Variants in FAAH2 observed in about 807,000 individuals in gnomAD.
FAAH2 encodes fatty acid amide hydrolase 2, also known as fatty-acid amide hydrolase 2.
In FAAH2, 60 loss-of-function variants were observed where a neutral mutation model predicts 36.9. That is an observed-to-expected ratio of 1.63 (90% CI 1.32 to 2.02). The LOEUF is 2.02. FAAH2 is among the 30% of genes most tolerant of loss of function. The probability of loss-of-function intolerance (pLI) is 0.00; values close to 1 mark genes in which losing one functional copy is unlikely to be tolerated. For synonymous variants in FAAH2, 214 were observed against 143.8 expected (o/e 1.49, Z -3.49); for missense variants, 689 against 397.5 (o/e 1.73, Z -6.23).
chrX:57,432,716 A>AT (rs2056329250), intron 8 of FAAH2, among the ~76,000 whole-genome samples: 1 of 111,465 alleles, frequency 9.0e-6, no homozygotes, highest in African/African-American at 3.2e-5. Flanking sequence ...ACTTTTGTGA[A>AT]TATAGGAATG....
At chrX:57,453,438 T>G (rs1437251263) in intron 10 of FAAH2, among the ~76,000 whole-genome samples, 1 of 112,117 alleles carries the variant, frequency 8.9e-6, no homozygotes. Context: ...TTCTGAACTC[T>G]GCCAGTGGAC....
chrX:57,123,725 G>C, the FAAH2 span, among the ~76,000 whole-genome samples: 1 of 112,208 alleles, frequency 8.9e-6, no homozygotes, highest in Admixed American at 9.4e-5. Flanking sequence ...TCTCATTGTG[G>C]TTTTGATTTG....
chrX:57,448,685 C>T lies in FAAH2; in HGVS notation c.1390C>T (p.Pro464Ser), dbSNP rs1424996470. 2 of 1,210,363 alleles carry T rather than the reference C, an allele frequency of 1.7e-6. No homozygotes were observed. The highest frequency in any genetic ancestry group is 2.2e-6 in the Non-Finnish European group (2 of 894,871). ...CACAGTGGCACCTAAGCATCATGTCCCTCTAACACGGCCTTTCAACTTTGC... is the reference window on the plus strand; with the variant it reads ...CACAGTGGCACCTAAGCATCATGTCTCTCTAACACGGCCTTTCAACTTTGC... ...HPTVAPKHHV[P>S]LTRPFNFAYT... is the part of the protein sequence containing the mutation. Residue 464 changes from proline to serine, a missense_variant, in exon 10 of 11, where the codon CCT becomes TCT. Pro to Ser is a moderately conservative substitution (Grantham distance 74). Coordinates refer to ENST00000374900, the MANE Select transcript of FAAH2 (RefSeq NM_174912.4).
At chrX:57,278,175 C>T in the FAAH2 span, among the ~76,000 whole-genome samples, 1 of 111,578 alleles carries the variant, frequency 9.0e-6, no homozygotes, top group Non-Finnish European at 1.9e-5. Context: ...TCAAACTATA[C>T]TACAAGGCTA....
chrX:57,167,767 A>G, the FAAH2 span, among the ~76,000 whole-genome samples: 2 of 111,463 alleles, frequency 1.8e-5, no homozygotes, highest in South Asian at 7.6e-4. Flanking sequence ...TAGCAGAAAA[A>G]AAATATATAC....
intron 7 of FAAH2, among the ~76,000 whole-genome samples, chrX:57,422,127 G>A (rs1003085001): frequency 9.0e-6 from 1 of 111,716 alleles, no homozygotes; most frequent in Admixed American, 9.5e-5. Context: ...AGATACCAGG[G>A]GATGTGTTAA....
At chrX:57,455,854 G>A (rs2056856337) in intron 10 of FAAH2, among the ~76,000 whole-genome samples, 2 of 111,572 alleles carry the variant, frequency 1.8e-5, no homozygotes, top group South Asian at 7.4e-4. Context: ...AAATAATAAC[G>A]GGGGATTTTA....
At chrX:57,137,351 C>A in the FAAH2 span, 1 of 757,638 alleles carries the variant, frequency 1.3e-6, no homozygotes, top group Admixed American at 7.9e-5. Flanking sequence ...AGGGTAGGAT[C>A]CATAGATGAG....
the FAAH2 span, among the ~76,000 whole-genome samples, chrX:57,160,020 C>A: frequency 8.9e-6 from 1 of 111,982 alleles, no homozygotes; most frequent in African/African-American, 3.3e-5. Context: ...CCATCAATAC[C>A]AAATTTATTG....
chrX:57,236,310 G>A, the FAAH2 span, among the ~76,000 whole-genome samples: 9 of 112,206 alleles, frequency 8.0e-5, no homozygotes, highest in Non-Finnish European at 1.1e-4. Context: ...ACACAGGAGT[G>A]CAGATATGTT....
intron 5 of FAAH2, among the ~76,000 whole-genome samples, chrX:57,352,383 T>A (rs1267578370): frequency 9.3e-6 from 1 of 107,301 alleles, no homozygotes; most frequent in African/African-American, 3.4e-5. Context: ...ATTTCAATTG[T>A]CAAAGAAAAA....
At chrX:57,444,501 G>A (rs779917632) in intron 8 of FAAH2, among the ~76,000 whole-genome samples, 2 of 111,485 alleles carry the variant, frequency 1.8e-5, no homozygotes, top group African/African-American at 3.3e-5. Context: ...TCCAGGTACC[G>A]TATGTCATGG....
chrX:57,301,982 G>T (rs1351411504), intron 2 of FAAH2, among the ~76,000 whole-genome samples: 1 of 112,168 alleles, frequency 8.9e-6, no homozygotes, highest in African/African-American at 3.2e-5. Flanking sequence ...CCTGGATTAT[G>T]ATTTATTGTT....
intron 2 of FAAH2, among the ~76,000 whole-genome samples, chrX:57,300,506 C>T (rs1264826777): frequency 8.9e-6 from 1 of 111,823 alleles, no homozygotes; most frequent in Non-Finnish European, 1.9e-5. Flanking sequence ...CATAAAAACC[C>T]TAGAAGAAAA....
intron 7 of FAAH2, among the ~76,000 whole-genome samples, chrX:57,385,047 G>A (rs968946176): frequency 2.7e-4 from 30 of 110,272 alleles, no homozygotes; most frequent in South Asian, 1.6e-3. Flanking sequence ...ACCAAATACC[G>A]CATGTTTTCA....
chrX:57,391,665 T>G (rs1295881477), intron 7 of FAAH2, among the ~76,000 whole-genome samples: 1 of 111,346 alleles, frequency 9.0e-6, no homozygotes, highest in East Asian at 2.8e-4. Context: ...CTTGATTCTC[T>G]ATTTGGTTCC....
chrX:57,315,555 C>T lies in FAAH2; in HGVS notation c.412+4826C>T, dbSNP rs146097059. ...ATCCAGCAACACAACAAAAAGTTAA[C>T]TCATTATGATCAAGTAGGGATTATT... On this transcript the variant is annotated intron_variant, in intron 3 of 10. Transcript: ENST00000374900. 4.2e-3 allele frequency among the ~76,000 whole-genome samples: 465 copies of T among 111,589 alleles called. 1 individual carries two copies. Among genetic ancestry groups the T allele is most frequent in the African/African-American group, 0.014 (427 of 30,831 alleles).
At chrX:57,320,967 G>A (rs991794088) in intron 3 of FAAH2, among the ~76,000 whole-genome samples, 1 of 110,323 alleles carries the variant, frequency 9.1e-6, no homozygotes, top group African/African-American at 3.3e-5. Flanking sequence ...TAAAACCCCC[G>A]TCTCTACTAA....
At chrX:57,381,396 T>C (rs1182346339) in intron 7 of FAAH2, among the ~76,000 whole-genome samples, 1 of 111,845 alleles carries the variant, frequency 8.9e-6, no homozygotes, top group Non-Finnish European at 1.9e-5. Flanking sequence ...TGAGCTTTAT[T>C]TTAAAATACT....
Sources: gnomAD v4.1 joint callset for allele counts (sites outside exome capture counted in the v4.1 genomes callset) on GRCh38, gnomAD v4.1.1 for gene constraint, MANE v1.5 for transcripts, NCBI Gene and HGNC (gene_info 2026-07-23, HGNC 2026-07-21) for gene names.